Variants in UGT1A7 observed in about 807,000 individuals in gnomAD.
The protein encoded by UGT1A7 is UDP glucuronosyltransferase family 1 member A7, also known as UDP-glucuronosyltransferase 1A7.
A neutral mutation model predicts 45.6 loss-of-function variants in UGT1A7; 33 were observed. That is an observed-to-expected ratio of 0.72 (90% CI 0.55 to 0.97). The LOEUF is 0.97. Among genes scored for constraint, UGT1A7 ranks in the 50% least tolerant of loss-of-function variants. UGT1A7 has a pLI of 0.00. For synonymous variants in UGT1A7, 274 were observed against 250.6 expected, an observed-to-expected ratio of 1.09 and a Z score of -0.88; for missense variants, 684 against 666.2, an observed-to-expected ratio of 1.03 and a Z score of -0.29.
At chr2:233,768,049 C>A in intron 3 of UGT1A7, 113 bp downstream of exon 3, 1 of 1,606,778 alleles carries the variant, frequency 6.2e-7, no homozygotes, top group Non-Finnish European at 8.5e-7. Flanking sequence ...GCCAACATAT[C>A]CTACATTGCT....
chr2:233,682,099 G>A lies in UGT1A7; in HGVS notation c.162G>A (p.Glu54=), dbSNP rs565225309. 5.0e-6 allele frequency: 8 copies of A among 1,614,208 alleles called. No homozygotes were observed. In the Admixed American group the frequency reaches 8.3e-5, roughly 17 times the overall value. ...AGAAACTCATCCTCAGGGGGCATGA[G>A]GTGGTCGTAGTCATGCCAGAGGTGA... ...VVEKLILRGH[E]VVVVMPEVSW... is the part of the protein sequence containing the mutation. The change falls in exon 1 of 5, where the codon GAG becomes GAA. Residue 54 remains glutamate, a synonymous_variant. Coordinates refer to ENST00000373426, the MANE Select transcript of UGT1A7 (RefSeq NM_019077.3).
chr2:233,746,172 C>A (rs766361306), intron 1 of UGT1A7, among the ~76,000 whole-genome samples: 1 of 151,822 alleles, frequency 6.6e-6, no homozygotes, highest in Non-Finnish European at 1.5e-5. Flanking sequence ...AAAATCTTGC[C>A]TGTAAGGAAT....
chr2:233,705,467 A>G (rs1370411628), intron 1 of UGT1A7, among the ~76,000 whole-genome samples: 1 of 152,208 alleles, frequency 6.6e-6, no homozygotes, highest in African/African-American at 2.4e-5. Flanking sequence ...TAGCAGACAC[A>G]CATGAGGCAA....
chr2:233,752,430 A>C (rs1694969387), intron 1 of UGT1A7: 2 of 152,050 alleles, frequency 1.3e-5, no homozygotes, highest in African/African-American at 4.8e-5. Context: ...GATTTATCGA[A>C]CCCTTTTATA....
intron 1 of UGT1A7, among the ~76,000 whole-genome samples, chr2:233,734,252 G>A (rs1251645812): frequency 6.6e-6 from 1 of 152,080 alleles, no homozygotes; most frequent in Non-Finnish European, 1.5e-5. Flanking sequence ...TTTAGTCTTG[G>A]GAGGGTGTAT....
At chr2:233,719,170 T>C (rs2076733024) in intron 1 of UGT1A7, 8 of 1,614,246 alleles carry the variant, frequency 5.0e-6, no homozygotes, top group Non-Finnish European at 5.9e-6. Flanking sequence ...ATGGCAATTA[T>C]GAACAATGTA....
intron 1 of UGT1A7, chr2:233,743,217 C>G: frequency 2.4e-6 from 1 of 409,784 alleles, no homozygotes; most frequent in Non-Finnish European, 4.8e-6. Context: ...AGTAACTGCT[C>G]TTTGCTATTT....
intron 1 of UGT1A7, among the ~76,000 whole-genome samples, chr2:233,696,619 TTTC>T (rs2125568446): frequency 6.6e-6 from 1 of 152,346 alleles, no homozygotes; most frequent in African/African-American, 2.4e-5. Flanking sequence ...TCTTTCTTTC[TTTC>T]TCTTGCTTAA....
At chr2:233,771,792 C>T (rs974191909) in intron 4 of UGT1A7, among the ~76,000 whole-genome samples, 6 of 151,492 alleles carry the variant, frequency 4.0e-5, no homozygotes, top group Non-Finnish European at 8.8e-5. Context: ...CTCTCCCTCC[C>T]TCCCTCCCTC....
chr2:233,737,176 C>CG (rs2078848522), intron 1 of UGT1A7, among the ~76,000 whole-genome samples: 1 of 152,196 alleles, frequency 6.6e-6, no homozygotes, highest in South Asian at 2.1e-4. Context: ...GAGTCTATAG[C>CG]GGCAGTAGCC....
At chr2:233,755,292 G>A (rs548797616) in intron 1 of UGT1A7, 11 of 646,792 alleles carry the variant, frequency 1.7e-5, no homozygotes, top group Non-Finnish European at 2.6e-5. Context: ...AAGAGCCTGC[G>A]GGGCACTGGC....
intron 1 of UGT1A7, among the ~76,000 whole-genome samples, chr2:233,716,097 C>T (rs1196579802): frequency 6.6e-6 from 1 of 152,176 alleles, no homozygotes; most frequent in Non-Finnish European, 1.5e-5. Flanking sequence ...ATTCCTTTAA[C>T]AGAAATTTAG....
In UGT1A7 at chr2:233,772,793, T is replaced by C. The variant is rs532329443; in HGVS notation, c.*234T>C. 4.9e-6 allele frequency: 6 copies of C among 1,212,356 alleles called. No individual in the cohort carries two copies. The African/African-American group carries it at 9.2e-5, about 19-fold the overall frequency. 75.1% of individuals were successfully genotyped at this position (1,212,356 alleles called of 1,614,324 possible). ...TCTGGTGTCTTTGATCAGGATGACA[T>C]GTGCCATTTTTCAGAGGACGTGCAG... On this transcript the variant is annotated 3_prime_UTR_variant, in exon 5 of 5. Transcript: ENST00000373426.
rs762748984 is a variant in UGT1A7 at position 233,755,099 on chromosome 2, C to T, written c.856-11935C>T. On this transcript the variant is annotated intron_variant, in intron 1 of 4. Transcript: ENST00000373426. ...CATAGATATCGCGTTTCTACGCGTCCGACAACACCTCGTAGGCCTCAGCCA... is the reference window on the plus strand; with the variant it reads ...CATAGATATCGCGTTTCTACGCGTCTGACAACACCTCGTAGGCCTCAGCCA... The T allele has an allele frequency of 6.0e-6, 8 of 1,334,956 alleles. 1 individual carries two copies. In the South Asian group the frequency reaches 8.0e-5, roughly 13 times the overall value. The allele number at this position is 1,334,956 out of a possible 1,614,324, so 82.7% of individuals were successfully genotyped here.
At chr2:233,756,155 A>G (rs1696135469) in intron 1 of UGT1A7, 2 of 152,312 alleles carry the variant, frequency 1.3e-5, no homozygotes, top group South Asian at 4.1e-4. Context: ...GATCCCTAGG[A>G]TTTCCTGGCT....
chr2:233,689,054 A>G (rs1455498112), intron 1 of UGT1A7, among the ~76,000 whole-genome samples: 1 of 152,200 alleles, frequency 6.6e-6, no homozygotes, highest in African/African-American at 2.4e-5. Context: ...TCTCTTCTGT[A>G]TAATCCCTTT....
At chr2:233,717,972 C>G in intron 1 of UGT1A7, 1 of 447,844 alleles carries the variant, frequency 2.2e-6, no homozygotes, top group South Asian at 1.6e-5. Flanking sequence ...CTTTGGCATT[C>G]AGAAGAGGAA....
At chr2:233,756,024 C>T (rs151069909) in intron 1 of UGT1A7, 1 of 152,170 alleles carries the variant, frequency 6.6e-6, no homozygotes, top group African/African-American at 2.4e-5. Flanking sequence ...ATTACACATC[C>T]CCCATGTAGC....
intron 1 of UGT1A7, among the ~76,000 whole-genome samples, chr2:233,716,770 G>A (rs1477452949): frequency 1.3e-5 from 2 of 152,158 alleles, no homozygotes; most frequent in African/African-American, 2.4e-5. Context: ...GATCACTCAG[G>A]TCAGGCTTTC....
Sources: gnomAD v4.1 joint callset for allele counts (sites outside exome capture counted in the v4.1 genomes callset) on GRCh38, gnomAD v4.1.1 for gene constraint, MANE v1.5 for transcripts, NCBI Gene and HGNC (gene_info 2026-07-23, HGNC 2026-07-21) for gene names.